FAF1: variants seen among roughly 807,000 people sequenced by gnomAD.
FAF1 encodes FAS-associated factor 1.
Under a neutral mutation model 92.5 loss-of-function variants are expected in FAF1, and 25 were observed. That is an observed-to-expected ratio of 0.27 (90% CI 0.20 to 0.38). The LOEUF (loss-of-function observed/expected upper bound fraction) is 0.38, where lower values mean the gene tolerates loss of function less well. Among genes scored for constraint, FAF1 ranks in the 10% least tolerant of loss-of-function variants. FAF1 has a pLI of 1.00. For missense variants in FAF1, 636 were observed against 793.3 expected, an observed-to-expected ratio of 0.80 and a Z score of 2.38; for synonymous variants, 234 against 273.2, an observed-to-expected ratio of 0.86 and a Z score of 1.42.
chr1:50,602,937 A>G (rs1237891999), intron 8 of FAF1, among the ~76,000 whole-genome samples: 1 of 152,196 alleles, frequency 6.6e-6, no homozygotes, highest in Non-Finnish European at 1.5e-5. Flanking sequence ...TACACGCACT[A>G]CCCCACTTAA....
At chr1:50,679,056 C>T (rs373697889) in intron 7 of FAF1, among the ~76,000 whole-genome samples, 1 of 152,174 alleles carries the variant, frequency 6.6e-6, no homozygotes, top group Admixed American at 6.5e-5. Context: ...CACTGCACTC[C>T]AGCCTGGGTG....
chr1:50,915,017 G>C (rs1644909821), intron 1 of FAF1, among the ~76,000 whole-genome samples: 1 of 152,168 alleles, frequency 6.6e-6, no homozygotes, highest in Non-Finnish European at 1.5e-5. Context: ...CTGAACTTCT[G>C]GTTTTAGGCT....
In FAF1 at chr1:50,910,149, T is replaced by TCCAGAC. The variant is rs368511303; in HGVS notation, c.45+49612_45+49617dup. Among the ~76,000 whole-genome samples, 461 of 152,328 alleles carry TCCAGAC rather than the reference T, an allele frequency of 3.0e-3. 3 individuals carry two copies. The highest frequency in any genetic ancestry group is 5.9e-3 in the Admixed American group (90 of 15,300). ...CTGTTGGAGTTTGCTGGAGGTCCAC[T>TCCAGAC]CCAGACCCTGTTTGCCTGGGTATCA... On this transcript the variant is annotated intron_variant, in intron 1 of 18. Coordinates refer to ENST00000396153, the MANE Select transcript of FAF1 (RefSeq NM_007051.3).
chr1:50,559,566 G>A (rs1649770364), intron 13 of FAF1, among the ~76,000 whole-genome samples: 1 of 152,164 alleles, frequency 6.6e-6, no homozygotes, highest in South Asian at 2.1e-4. Flanking sequence ...GAAGTTACAA[G>A]AACACACGGC....
At chr1:50,460,421 A>C (rs1025328461) in intron 18 of FAF1, among the ~76,000 whole-genome samples, 1 of 152,182 alleles carries the variant, frequency 6.6e-6, no homozygotes, top group African/African-American at 2.4e-5. Context: ...AGTGCTGTCT[A>C]GTGTTCCTAA....
At chr1:50,617,226 A>T (rs1652956182) in intron 8 of FAF1, among the ~76,000 whole-genome samples, 1 of 152,102 alleles carries the variant, frequency 6.6e-6, no homozygotes, top group African/African-American at 2.4e-5. Context: ...CCAGTTCTCA[A>T]GGGAAATGGT....
At chr1:50,737,848 A>G (rs1283733622) in intron 6 of FAF1, among the ~76,000 whole-genome samples, 1 of 152,144 alleles carries the variant, frequency 6.6e-6, no homozygotes, top group Non-Finnish European at 1.5e-5. Context: ...TAGGGACACA[A>G]GTCTCCCTAC....
At chr1:50,859,132 A>G (rs985869782) in intron 1 of FAF1, among the ~76,000 whole-genome samples, 3 of 151,772 alleles carry the variant, frequency 2.0e-5, no homozygotes, top group Non-Finnish European at 4.4e-5. Flanking sequence ...TCACAAAATA[A>G]TAAGAGCCTA....
At chr1:50,742,696 C>T (rs1372812039) in intron 5 of FAF1, among the ~76,000 whole-genome samples, 1 of 152,170 alleles carries the variant, frequency 6.6e-6, no homozygotes, top group Non-Finnish European at 1.5e-5. Context: ...CTGATTCATA[C>T]CCACAGGTTT....
intron 7 of FAF1, among the ~76,000 whole-genome samples, chr1:50,694,023 A>G (rs866495638): frequency 1.2e-4 from 18 of 152,078 alleles, no homozygotes; most frequent in African/African-American, 4.1e-4. Flanking sequence ...GACATATATG[A>G]CATATATATG....
At chr1:50,828,864 A>C (rs1644128618) in intron 2 of FAF1, among the ~76,000 whole-genome samples, 1 of 152,212 alleles carries the variant, frequency 6.6e-6, no homozygotes. Context: ...AAAAGGGCAA[A>C]AACACAAGCC....
At chr1:50,864,465 C>A (rs1400423706) in intron 1 of FAF1, among the ~76,000 whole-genome samples, 1 of 152,066 alleles carries the variant, frequency 6.6e-6, no homozygotes, top group Non-Finnish European at 1.5e-5. Flanking sequence ...GTAACCAAAA[C>A]AGCATGGTAC....
intron 7 of FAF1, among the ~76,000 whole-genome samples, chr1:50,664,423 G>A (rs766749384): frequency 1.3e-5 from 2 of 151,708 alleles, no homozygotes; most frequent in Admixed American, 6.6e-5. Context: ...AAACTTGGAA[G>A]ATATCTATAT....
rs1209711346 is a variant in FAF1, at chr1:50,441,116, T to C, written c.*324A>G. On this transcript the variant is annotated 3_prime_UTR_variant, in exon 19 of 19. Coordinates refer to ENST00000396153, the MANE Select transcript of FAF1 (RefSeq NM_007051.3). ...TGTCCTAGACACTGTGGGGAAAAGA[T>C]GGGCACTGGAGAGGTAAAAATTCTA... 3.6e-5 allele frequency: 8 copies of C among 224,132 alleles called. No homozygotes were observed. Among genetic ancestry groups the C allele is most frequent in the African/African-American group, 1.1e-4 (5 of 44,182 alleles). The allele number at this position is 224,132 out of a possible 1,614,324, so 13.9% of individuals were successfully genotyped here.
chr1:50,471,861 T>C (rs1215205807), intron 18 of FAF1, among the ~76,000 whole-genome samples: 2 of 150,976 alleles, frequency 1.3e-5, no homozygotes. Flanking sequence ...GGAAAAAGAG[T>C]AGGCAGAAAG....
chr1:50,821,722 G>A (rs1644044637), intron 2 of FAF1, among the ~76,000 whole-genome samples: 1 of 152,132 alleles, frequency 6.6e-6, no homozygotes, highest in African/African-American at 2.4e-5. Flanking sequence ...CATCAAAAGT[G>A]CTTAAATAAT....
intron 8 of FAF1, among the ~76,000 whole-genome samples, chr1:50,637,632 G>A (rs1401109626): frequency 2.6e-5 from 4 of 151,230 alleles, no homozygotes; most frequent in Non-Finnish European, 5.9e-5. Flanking sequence ...TAAAAATACT[G>A]AATGTAGGCC....
chr1:50,859,863 A>G (rs1422202432), intron 1 of FAF1, among the ~76,000 whole-genome samples: 1 of 152,052 alleles, frequency 6.6e-6, no homozygotes, highest in African/African-American at 2.4e-5. Context: ...TAAGGATACA[A>G]TAATCAAAAC....
At chr1:50,732,451 T>TTG (rs1308141035) in intron 6 of FAF1, among the ~76,000 whole-genome samples, 1 of 152,204 alleles carries the variant, frequency 6.6e-6, no homozygotes, top group East Asian at 1.9e-4. Flanking sequence ...CTGTCCAATT[T>TTG]TGTAGACTTG....
Sources: gnomAD v4.1 joint callset for allele counts (sites outside exome capture counted in the v4.1 genomes callset) on GRCh38, gnomAD v4.1.1 for gene constraint, MANE v1.5 for transcripts, NCBI Gene and HGNC (gene_info 2026-07-23, HGNC 2026-07-21) for gene names.